The following SPOCD1 variants were observed in gnomAD, a reference collection of about 807,000 sequenced individuals.
The protein encoded by SPOCD1 is SPOC domain-containing protein 1.
In SPOCD1, 64 loss-of-function variants were observed where a neutral mutation model predicts 92.2. That is an observed-to-expected ratio of 0.69 (90% CI 0.57 to 0.86). SPOCD1 has a LOEUF of 0.86. Among genes scored for constraint, SPOCD1 ranks in the 40% least tolerant of loss-of-function variants. The probability of loss-of-function intolerance (pLI) is 0.00; values close to 1 mark genes in which losing one functional copy is unlikely to be tolerated. For synonymous variants in SPOCD1, 578 were observed against 619.3 expected (o/e 0.93, Z 0.99); for missense variants, 1,360 against 1,543.1 (o/e 0.88, Z 1.99).
In SPOCD1 at chr1:31,793,352, G is replaced by C. The variant is rs1647749811; in HGVS notation, c.2611C>G (p.Leu871Val). Residue 871 changes from leucine to valine, a missense_variant, in exon 13 of 16, where the codon CTG (leucine) becomes GTG (valine). This residue lies in a region of SPOCD1 where 614 missense variants were observed against 757.8 expected (regional missense o/e 0.81). Coordinates refer to ENST00000360482, the MANE Select transcript of SPOCD1 (RefSeq NM_144569.7). ...AACCGCTTGATGGAGAACATGTCCA[G>C]AACACCTTCCCAGGGTGGCAGGCAG... ...LPCLPPWEGV[L>V]DMFSIKRFRA... The C allele has an allele frequency of 6.3e-7, 1 of 1,591,812 alleles. No homozygotes were observed. The highest frequency in any genetic ancestry group is 1.8e-5 in the Admixed American group (1 of 56,594).
Position 31,798,435 on chromosome 1 carries a change from T to C in SPOCD1, c.2028+7A>G, listed in dbSNP as rs1481552263. 6.2e-7 allele frequency: 1 copy of C among 1,604,498 alleles called. No individual in the cohort carries two copies. Among genetic ancestry groups the C allele is most frequent in the East Asian group, 2.2e-5 (1 of 44,832 alleles). ...GGGGACGCAGCCCAGCCCAAAGCCC[T>C]GCTCACCAGGTTCCTGGGGTCCCGC... On this transcript the variant is annotated splice_region_variant and intron_variant, in intron 8 of 15. Transcript: ENST00000360482. This position sits in a 1 kb window ranked among gnomAD's most constrained non-coding sequence, Gnocchi z 4.1.
chr1:31,808,973 G>C (rs1393308713), intron 2 of SPOCD1, among the ~76,000 whole-genome samples: 1 of 152,132 alleles, frequency 6.6e-6, no homozygotes, highest in East Asian at 1.9e-4. Flanking sequence ...AGGATCACCT[G>C]AGGTCAGGAG....
At position 31,791,140 on chromosome 1, in the gene SPOCD1, G is replaced by A. The variant is rs1425898645; in HGVS notation, c.3114C>T (p.Ser1038=). 1.9e-6 allele frequency: 3 copies of A among 1,613,006 alleles called. No individual in the cohort carries two copies. The highest frequency in any genetic ancestry group is 2.2e-5 in the East Asian group (1 of 44,882). The change falls in exon 16 of 16, where the codon TCC becomes TCT. Residue 1038 remains serine, a synonymous_variant. Coordinates refer to ENST00000360482, the MANE Select transcript of SPOCD1 (RefSeq NM_144569.7). ...ATCTCTTCTCCACCTTACTGTTGAA[G>A]GAGACCATCTTTTGAACCTTCCCCA... ...PWLGKVQKMV[S]FNSKVEKRYY...
In SPOCD1 at chr1:31,814,094, T is replaced by C. The variant is rs954094672; in HGVS notation, c.1240A>G (p.Met414Val). ...GTGCCCTTGGATCTTCTCTGCTCCA[T>C]GAATGGGCCTGAGCAGGCCCTGCTG... is the stretch of plus-strand genomic sequence containing the variant. ...EASRACSGPF[M>V]EQRRSKGTKN... Residue 414 changes from methionine to valine, a missense_variant, in exon 2 of 16, where the codon ATG (methionine) becomes GTG (valine). This residue lies in a region of SPOCD1 where 606 missense variants were observed against 601.5 expected (regional missense o/e 1.01). Coordinates refer to ENST00000360482, the MANE Select transcript of SPOCD1 (RefSeq NM_144569.7). The surrounding 1 kb of genome is among the most constrained non-coding windows in gnomAD (Gnocchi z 4.2). The C allele has an allele frequency of 9.9e-6, 16 of 1,613,386 alleles. No homozygotes were observed. The African/African-American group carries it at 1.7e-4, about 17-fold the overall frequency.
intron 2 of SPOCD1, among the ~76,000 whole-genome samples, chr1:31,804,746 T>A (rs1026873544): frequency 6.6e-6 from 1 of 152,054 alleles, no homozygotes; most frequent in Non-Finnish European, 1.5e-5. Context: ...TTGTTAAATC[T>A]AAATAAACAT....
rs781058510 is a variant in SPOCD1 at position 31,799,842 on chromosome 1, C to T, written c.1750G>A (p.Glu584Lys). Residue 584 changes from glutamate to lysine, a missense_variant, in exon 6 of 16, where the codon GAG becomes AAG. Glu to Lys is a moderately conservative substitution (Grantham distance 56). Around this residue, in one of 3 missense-constraint regions of SPOCD1, gnomAD observed 606 missense variants for 601.5 expected, o/e 1.01. Coordinates refer to ENST00000360482, the MANE Select transcript of SPOCD1 (RefSeq NM_144569.7). ...CSQSGPMEAE[E>K]DSLPEQPEDS... Reference sequence around the variant, plus strand: ...TCTGGCTGCTCCGGAAGAGAATCCTCTTCAGCCTCCATTGGGCCACTCTGT... The same window carrying T: ...TCTGGCTGCTCCGGAAGAGAATCCTTTTCAGCCTCCATTGGGCCACTCTGT... 1 of 1,614,150 alleles carries T rather than the reference C, an allele frequency of 6.2e-7. No individual in the cohort carries two copies.
At position 31,793,437 on chromosome 1, in the gene SPOCD1, A is replaced by G; in HGVS notation, c.2535-9T>C. 1 of 1,583,372 alleles carries G rather than the reference A, an allele frequency of 6.3e-7. No individual in the cohort carries two copies. The highest frequency in any genetic ancestry group is 1.3e-5 in the African/African-American group (1 of 74,350). ...GCCCAGATGGAGGGACCCTAGAGGG[A>G]GGGACAGAAGACAGGGCCAGACAGA... On this transcript the variant is annotated splice_polypyrimidine_tract_variant and intron_variant, in intron 12 of 15. Coordinates refer to ENST00000360482, the MANE Select transcript of SPOCD1 (RefSeq NM_144569.7).
At position 31,800,292 on chromosome 1, in the gene SPOCD1, C is replaced by T. The variant is rs143372634; in HGVS notation, c.1602+149G>A. On this transcript the variant is annotated intron_variant, in intron 4 of 15. Coordinates refer to ENST00000360482, the MANE Select transcript of SPOCD1 (RefSeq NM_144569.7). ...TAGTACACATGGAGCCCAGGCCAGC[C>T]ATGCAGGCTGGGGCCGAACCCTGCC... 1,316 of 1,451,418 alleles carry T rather than the reference C, an allele frequency of 9.1e-4. 1 individual carries two copies. The highest frequency in any genetic ancestry group is 2.5e-3 in the Middle Eastern group (13 of 5,242). 89.9% of individuals were successfully genotyped at this position (1,451,418 alleles called of 1,614,324 possible). A position where few individuals can be genotyped will look rare whatever the true frequency, so the allele number is the denominator to read the frequency against.
At position 31,796,604 on chromosome 1, in the gene SPOCD1, G is replaced by A; in HGVS notation, c.2257C>T (p.Leu753=). The A allele has an allele frequency of 6.2e-7, 1 of 1,614,254 alleles. No individual in the cohort carries two copies. Among genetic ancestry groups the A allele is most frequent in the Non-Finnish European group, 8.5e-7 (1 of 1,180,048 alleles). Reference sequence around the variant, plus strand: ...TCCAACTTAACCACCAGATCCTCCAGGGTCAGTGTCTGGTCCATGTCCCGC... The same window carrying A: ...TCCAACTTAACCACCAGATCCTCCAAGGTCAGTGTCTGGTCCATGTCCCGC... ...IQRDMDQTLT[L]EDLVGPQMFM... Residue 753 remains leucine, a synonymous_variant, in exon 10 of 16, where the codon CTG becomes TTG. Coordinates refer to ENST00000360482, the MANE Select transcript of SPOCD1 (RefSeq NM_144569.7).
At chr1:31,796,126 A>C (rs989698698) in intron 10 of SPOCD1, 11 of 260,938 alleles carry the variant, frequency 4.2e-5, no homozygotes, top group South Asian at 8.3e-5. Context: ...GTCTGAGGAC[A>C]AGTTCCAGGA....
intron 2 of SPOCD1, among the ~76,000 whole-genome samples, chr1:31,805,559 C>G (rs1361329571): frequency 6.6e-6 from 1 of 152,010 alleles, no homozygotes; most frequent in Admixed American, 6.6e-5. Context: ...GACCCTGGCC[C>G]TACCAAAATT....
In SPOCD1 at chr1:31,791,294, G is replaced by T. The variant is rs200063366; in HGVS notation, c.2963-3C>A. 5.9e-6 allele frequency: 9 copies of T among 1,513,430 alleles called. No individual in the cohort carries two copies. The highest frequency in any genetic ancestry group is 8.0e-6 in the Non-Finnish European group (9 of 1,130,640). The allele number at this position is 1,513,430 out of a possible 1,614,324, so 93.8% of individuals were successfully genotyped here. On this transcript the variant is annotated splice_polypyrimidine_tract_variant and splice_region_variant and intron_variant, in intron 15 of 15. Transcript: ENST00000360482. ...GGAGACAGGAAGAGCCCAAAGGCCT[G>T]CGGGGAAGAACTGTGTTCAGCTTAG...
rs1647690349 is a variant in SPOCD1 at position 31,792,709 on chromosome 1, A to T, written c.2744T>A (p.Leu915His). ...CTTGGCTGGGCAGATGCTGGCCAGA[A>T]GGTCCCAGACAATGTTGGAGGGGAT... ...GCIPSNIVWD[L>H]LASICPAKAK... The change falls in exon 14 of 16, where the codon CTT becomes CAT. Residue 915 changes from leucine (L) to histidine (H), a missense_variant. Physicochemically the swap from Leu to His is moderately conservative, Grantham distance 99. Transcript: ENST00000360482. The T allele has an allele frequency of 1.9e-6, 3 of 1,607,210 alleles. No individual in the cohort carries two copies. The highest frequency in any genetic ancestry group is 2.7e-5 in the African/African-American group (2 of 74,798).
chr1:31,812,469 C>T (rs906223670), intron 2 of SPOCD1, among the ~76,000 whole-genome samples: 8 of 152,328 alleles, frequency 5.3e-5, no homozygotes, highest in African/African-American at 1.7e-4. Flanking sequence ...TACTACGGAA[C>T]TTACAAAACC....
At chr1:31,799,189 G>T (rs1648252391) in intron 7 of SPOCD1, among the ~76,000 whole-genome samples, 1 of 152,212 alleles carries the variant, frequency 6.6e-6, no homozygotes, top group African/African-American at 2.4e-5. Flanking sequence ...AGCTGCAGCA[G>T]CTAAGTGGGG....
Position 31,814,031 on chromosome 1 carries a change from C to T in SPOCD1, c.1303G>A (p.Asp435Asn), listed in dbSNP as rs778870948. The T allele has an allele frequency of 3.1e-6, 5 of 1,611,796 alleles. No individual in the cohort carries two copies. Among genetic ancestry groups the T allele is most frequent in the South Asian group, 1.1e-5 (1 of 90,496 alleles). The change falls in exon 2 of 16, where the codon GAC becomes AAC. Residue 435 changes from aspartate to asparagine, a missense_variant. Asp to Asn is a conservative substitution (Grantham distance 23, BLOSUM62 1). Transcript: ENST00000360482. The surrounding 1 kb of genome is among the most constrained non-coding windows in gnomAD (Gnocchi z 4.2). Reference sequence around the variant, plus strand: ...TCTGAGCTTCTGTCTGTGCCCCGGTCTTGGGCACAGGGCACTGGACCTTTC... The same window carrying T: ...TCTGAGCTTCTGTCTGTGCCCCGGTTTTGGGCACAGGGCACTGGACCTTTC... ...LKKGPVPCAQ[D>N]RGTDRSSDNS...
Position 31,798,982 on chromosome 1 carries a change from A to C in SPOCD1, c.1869-381T>G, listed in dbSNP as rs566711325. 2 of 531,754 alleles carry C rather than the reference A, an allele frequency of 3.8e-6. No homozygotes were observed. Among genetic ancestry groups the C allele is most frequent in the East Asian group, 6.1e-5 (2 of 32,604 alleles). 32.9% of individuals were successfully genotyped at this position (531,754 alleles called of 1,614,324 possible). On this transcript the variant is annotated intron_variant, in intron 7 of 15. Transcript: ENST00000360482. The surrounding 1 kb of genome is among the most constrained non-coding windows in gnomAD (Gnocchi z 4.1). ...GGCAGGAGTCAGGGGGAGAGAATGG[A>C]GCCCTGGCCCTCGGTGTCATCTGTC...
chr1:31,810,956 A>T (rs1281819204), intron 2 of SPOCD1, among the ~76,000 whole-genome samples: 1 of 152,162 alleles, frequency 6.6e-6, no homozygotes, highest in Non-Finnish European at 1.5e-5. Context: ...CCCATAGAGC[A>T]GCTCCAAACC....
In SPOCD1 at chr1:31,800,062, C is replaced by G. The variant is rs992949497; in HGVS notation, c.1682G>C (p.Gly561Ala). ...GCTGGGGTCGCCAAGGGCCAGGGAA[C>G]CGCTTCTTGGAGGGTAGAAGGGGTC... ...LSDPFYPPRSGSLALGDPSSD... is the reference protein window; with the variant it reads ...LSDPFYPPRSASLALGDPSSD... Residue 561 changes from glycine to alanine, a missense_variant, in exon 5 of 16, where the codon GGT (glycine) becomes GCT (alanine). This residue lies in a region of SPOCD1 where 606 missense variants were observed against 601.5 expected (regional missense o/e 1.01). Transcript: ENST00000360482. 1 of 1,609,968 alleles carries G rather than the reference C, an allele frequency of 6.2e-7. No individual in the cohort carries two copies. Among genetic ancestry groups the G allele is most frequent in the African/African-American group, 1.3e-5 (1 of 74,652 alleles).
Sources: gnomAD v4.1 joint callset for allele counts (sites outside exome capture counted in the v4.1 genomes callset) on GRCh38, gnomAD v4.1.1 for gene constraint, gnomAD v4.1.1 regional missense constraint, Gnocchi (gnomAD v3.1) non-coding constraint, MANE v1.5 for transcripts, NCBI Gene and HGNC (gene_info 2026-07-23, HGNC 2026-07-21) for gene names.